DLG2: variants seen among roughly 807,000 people sequenced by gnomAD.
DLG2 encodes discs large MAGUK scaffold protein 2.
In DLG2, 45 loss-of-function variants were observed where a neutral mutation model predicts 132.5. The ratio of observed to expected loss-of-function variants is 0.34; its 90% CI spans 0.27 to 0.44. DLG2 has a LOEUF of 0.44. Among genes scored for constraint, DLG2 ranks in the 20% least tolerant of loss-of-function variants. DLG2 has a pLI of 1.00. For missense variants in DLG2, 1,045 were observed against 1,196.9 expected (o/e 0.87, Z 1.87); for synonymous variants, 424 against 419.6 (o/e 1.01, Z -0.13).
chr11:85,541,279 A>C (rs2075951745), intron 3 of DLG2, among the ~76,000 whole-genome samples: 1 of 152,122 alleles, frequency 6.6e-6, no homozygotes, highest in Non-Finnish European at 1.5e-5. Flanking sequence ...TTATGTATTT[A>C]TAGTTTTAAA....
chr11:85,389,192 C>T lies in DLG2; in HGVS notation c.41-103827G>A, dbSNP rs138625023. ...GCAACTTCTGAAAATCAAGGACACACTTAAAGAAATACAAAATGCACTAAA... is the reference window on the plus strand; with the variant it reads ...GCAACTTCTGAAAATCAAGGACACATTTAAAGAAATACAAAATGCACTAAA... On this transcript the variant is annotated intron_variant, in intron 3 of 27. Coordinates refer to ENST00000376104, the MANE Select transcript of DLG2 (RefSeq NM_001142699.3). 1.7e-3 allele frequency among the ~76,000 whole-genome samples: 259 copies of T among 152,116 alleles called. 2 individuals are homozygous for T. Among genetic ancestry groups the T allele is most frequent in the African/African-American group, 5.9e-3 (244 of 41,522 alleles).
intron 6 of DLG2, among the ~76,000 whole-genome samples, chr11:84,685,984 GC>G (rs2099737847): frequency 6.6e-6 from 1 of 152,170 alleles, no homozygotes; most frequent in African/African-American, 2.4e-5. Flanking sequence ...ACCGCGCCCG[GC>G]CTATTTTCTG....
intron 10 of DLG2, among the ~76,000 whole-genome samples, chr11:84,079,278 G>GTTTTT (rs34283629): frequency 2.0e-5 from 3 of 147,310 alleles, no homozygotes; most frequent in Admixed American, 6.7e-5. Flanking sequence ...TTTTTGGTTT[G>GTTTTT]TTTTTTTTTT....
At chr11:85,409,106 C>T (rs1597061029) in intron 3 of DLG2, among the ~76,000 whole-genome samples, 1 of 151,912 alleles carries the variant, frequency 6.6e-6, no homozygotes, top group Admixed American at 6.6e-5. Flanking sequence ...GTTAAGACAG[C>T]TTGTGTAGAT....
rs79622075 is a variant in DLG2 at position 85,107,400 on chromosome 11, G to A, written c.357+4261C>T. ...ATTGAGGATATTCAGAACTGGGTTTGGGGATATTCCTCAAAATGATTAAAT... is the reference window on the plus strand; with the variant it reads ...ATTGAGGATATTCAGAACTGGGTTTAGGGATATTCCTCAAAATGATTAAAT... On this transcript the variant is annotated intron_variant, in intron 6 of 27. Transcript: ENST00000376104. 9.9e-5 allele frequency among the ~76,000 whole-genome samples: 15 copies of A among 152,096 alleles called. No homozygotes were observed. The East Asian group carries it at 2.9e-3, about 29-fold the overall frequency.
chr11:85,473,562 A>G (rs77137802), intron 3 of DLG2, among the ~76,000 whole-genome samples: 2,376 of 152,272 alleles, frequency 0.016, 27 homozygotes, highest in Non-Finnish European at 0.023. Flanking sequence ...GTATATCTGA[A>G]AAAGTATTGA....
chr11:83,604,805 G>T (rs193001851), intron 19 of DLG2, among the ~76,000 whole-genome samples: 76 of 152,096 alleles, frequency 5.0e-4, no homozygotes, highest in African/African-American at 1.8e-3. Flanking sequence ...ACCTAAAACT[G>T]CTTTAAAAAA....
At chr11:83,941,711 T>A (rs1400269723) in intron 14 of DLG2, among the ~76,000 whole-genome samples, 1 of 152,194 alleles carries the variant, frequency 6.6e-6, no homozygotes, top group Admixed American at 6.5e-5. Flanking sequence ...TGCTTTTAAA[T>A]CAGCATATGT....
At chr11:84,928,639 C>T (rs1489524813) in intron 6 of DLG2, among the ~76,000 whole-genome samples, 6 of 151,816 alleles carry the variant, frequency 4.0e-5, no homozygotes, top group Non-Finnish European at 8.8e-5. Flanking sequence ...TATTTCCAGT[C>T]AGCCATAAAG....
At chr11:85,051,229 C>A (rs541773654) in intron 6 of DLG2, among the ~76,000 whole-genome samples, 58 of 152,064 alleles carry the variant, frequency 3.8e-4, no homozygotes, top group Non-Finnish European at 7.4e-4. Flanking sequence ...CAGTTTCAGT[C>A]CAGCAGTATT....
intron 21 of DLG2, among the ~76,000 whole-genome samples, chr11:83,503,823 C>G (rs879341733): frequency 1.3e-5 from 2 of 152,120 alleles, no homozygotes; most frequent in Admixed American, 6.6e-5. Flanking sequence ...TCCACCCAAT[C>G]AAGTTGACAC....
At chr11:84,521,600 A>G (rs1018903961) in intron 7 of DLG2, among the ~76,000 whole-genome samples, 1 of 152,182 alleles carries the variant, frequency 6.6e-6, no homozygotes, top group Non-Finnish European at 1.5e-5. Flanking sequence ...CTGAACTTAA[A>G]AGCCTCTTGC....
chr11:85,613,035 T>C lies in DLG2; in HGVS notation c.-93+13552A>G, dbSNP rs146946895. ...TGTTTTTATACTAACCAGTCAGGGA[T>C]AGTATGAGATGCTGTCCGGCGTTTA... On this transcript the variant is annotated intron_variant, in intron 2 of 27. Coordinates refer to ENST00000376104, the MANE Select transcript of DLG2 (RefSeq NM_001142699.3). Among the ~76,000 whole-genome samples the C allele has an allele frequency of 5.3e-5, 8 of 152,176 alleles. No individual in the cohort carries two copies. In the East Asian group the frequency reaches 1.5e-3, roughly 29 times the overall value.
chr11:85,379,656 T>C (rs936905214), intron 3 of DLG2, among the ~76,000 whole-genome samples: 4 of 152,184 alleles, frequency 2.6e-5, no homozygotes, highest in Non-Finnish European at 5.9e-5. Flanking sequence ...CTATATTACT[T>C]CCAGGAAATT....
At chr11:84,636,784 A>T (rs558245209) in intron 6 of DLG2, among the ~76,000 whole-genome samples, 1,892 of 145,710 alleles carry the variant, frequency 0.013, 20 homozygotes, top group South Asian at 0.053. Context: ...AGGGATGCAC[A>T]TTTTTTTTTT....
chr11:85,323,690 T>C (rs1006479481), intron 3 of DLG2, among the ~76,000 whole-genome samples: 4 of 152,234 alleles, frequency 2.6e-5, no homozygotes, highest in Admixed American at 1.3e-4. Flanking sequence ...ATAAGCATCA[T>C]ACTACTCTCT....
chr11:84,206,141 T>G (rs776271437), intron 8 of DLG2, among the ~76,000 whole-genome samples: 1 of 152,208 alleles, frequency 6.6e-6, no homozygotes, highest in Non-Finnish European at 1.5e-5. Flanking sequence ...CTCTTTTCAA[T>G]GGACACAAAC....
rs190935663 is a variant in DLG2, at chr11:83,758,266, T to C, written c.1825+28424A>G. 2.5e-3 allele frequency among the ~76,000 whole-genome samples: 379 copies of C among 152,260 alleles called. 2 individuals carry two copies. Among genetic ancestry groups the C allele is most frequent in the South Asian group, 9.1e-3 (44 of 4,828 alleles). On this transcript the variant is annotated intron_variant, in intron 18 of 27. Coordinates refer to ENST00000376104, the MANE Select transcript of DLG2 (RefSeq NM_001142699.3). The stretch of plus-strand genomic sequence containing the variant: ...CCACCAGGATCTAGTTCAGCCTTCT[T>C]GGTCCCTTTTCAGGCCCCACACGTC...
chr11:84,973,251 G>A (rs553315326), intron 6 of DLG2, among the ~76,000 whole-genome samples: 4 of 152,100 alleles, frequency 2.6e-5, no homozygotes, highest in Non-Finnish European at 5.9e-5. Context: ...GAGCCACCAC[G>A]CCTGGCCTAA....
Sources: allele counts gnomAD v4.1 joint callset (sites outside exome capture counted in the v4.1 genomes callset), GRCh38; gene constraint gnomAD v4.1.1; transcripts MANE v1.5; gene names NCBI Gene and HGNC (gene_info 2026-07-23, HGNC 2026-07-21).